CPM: variants seen among roughly 807,000 people sequenced by gnomAD.
CPM encodes the protein renal carboxypeptidase.
A neutral mutation model predicts 46.4 loss-of-function variants in CPM; 35 were observed. The ratio of observed to expected loss-of-function variants is 0.75; its 90% CI spans 0.58 to 1.00. The LOEUF (loss-of-function observed/expected upper bound fraction) is 1.00. Ranked by LOEUF, CPM falls within the 50% of genes least tolerant of loss-of-function variation. The pLI is 0.00. For missense variants in CPM, 422 were observed against 530.4 expected, an observed-to-expected ratio of 0.80 and a Z score of 2.01; for synonymous variants, 195 against 195.3, an observed-to-expected ratio of 1.00 and a Z score of 0.01.
intron 2 of CPM, among the ~76,000 whole-genome samples, chr12:68,928,352 C>T (rs1403352025): frequency 6.6e-6 from 1 of 152,148 alleles, no homozygotes; most frequent in Non-Finnish European, 1.5e-5. Context: ...CTTCCTTACA[C>T]CTTATACAAA....
intron 2 of CPM, among the ~76,000 whole-genome samples, chr12:68,932,239 A>G (rs1240883266): frequency 6.6e-6 from 1 of 152,256 alleles, no homozygotes; most frequent in Non-Finnish European, 1.5e-5. Flanking sequence ...CAGAAATCTT[A>G]CCAACAAAAC....
At chr12:68,913,481 G>A (rs1887682873) in intron 2 of CPM, among the ~76,000 whole-genome samples, 1 of 152,084 alleles carries the variant, frequency 6.6e-6, no homozygotes, top group Admixed American at 6.6e-5. Flanking sequence ...GCTTACACAA[G>A]CTCCTAGTAT....
chr12:68,896,491 C>A (rs1484820821), intron 2 of CPM, among the ~76,000 whole-genome samples: 1 of 152,158 alleles, frequency 6.6e-6, no homozygotes, highest in African/African-American at 2.4e-5. Flanking sequence ...GATAAATTAA[C>A]AAACAAACCT....
chr12:68,907,136 T>A lies in CPM; in HGVS notation c.161-21247A>T, dbSNP rs1017359948. Among the ~76,000 whole-genome samples, 9 of 152,296 alleles carry A rather than the reference T, an allele frequency of 5.9e-5. 1 individual carries two copies. The highest frequency in any genetic ancestry group is 4.1e-4 in the South Asian group (2 of 4,822). On this transcript the variant is annotated intron_variant, in intron 2 of 8. Transcript: ENST00000551568. ...TTGCACCAGAGCAGTGGCTCTGTTG[T>A]TCGATTTTAAAGAGGCTCCTTCTAG...
chr12:68,842,308 T>A, exon 6 of CPM: 1 of 496,082 alleles, frequency 2.0e-6, no homozygotes, highest in South Asian at 1.5e-5. Flanking sequence ...TCTTGACCCC[T>A]GTTGCAGGCA....
intron 5 of CPM, chr12:68,844,375 C>T: frequency 4.4e-6 from 1 of 225,254 alleles, no homozygotes; most frequent in East Asian, 6.4e-5. Flanking sequence ...CCAATGAGAG[C>T]AACTTGAGAG....
intron 2 of CPM, among the ~76,000 whole-genome samples, chr12:68,901,742 T>G (rs1328094408): frequency 3.3e-5 from 5 of 152,198 alleles, no homozygotes; most frequent in Admixed American, 3.3e-4. Flanking sequence ...AGGATTGGAC[T>G]TTGGATGGAG....
At chr12:68,876,505 CAAATTTTAAAAAAG>C (rs1340614255) in intron 3 of CPM, among the ~76,000 whole-genome samples, 2 of 152,064 alleles carry the variant, frequency 1.3e-5, no homozygotes, top group Admixed American at 6.6e-5. Flanking sequence ...CTGGAGAGTC[CAAATTTTAAAAAAG>C]AATGTGGTCA....
At chr12:68,864,450 C>CA (rs1024296852) in intron 7 of CPM, among the ~76,000 whole-genome samples, 8 of 151,866 alleles carry the variant, frequency 5.3e-5, no homozygotes, top group Non-Finnish European at 7.4e-5. Flanking sequence ...GTCTCAAAAA[C>CA]AAAAAAACAA....
intron 3 of CPM, among the ~76,000 whole-genome samples, chr12:68,884,366 G>T (rs1026402794): frequency 1.3e-5 from 2 of 152,158 alleles, no homozygotes; most frequent in African/African-American, 4.8e-5. Context: ...TCCTTTGCTA[G>T]GGGCAGGTGC....
rs138051426 is a variant in CPM, at chr12:68,868,141, A to G, written c.788-1093T>C. The stretch of plus-strand genomic sequence containing the variant: ...TTCGAAAGTTAGACAGTGAACATGA[A>G]GGACAGCTCTGCCACTGGACAGGAT... On this transcript the variant is annotated intron_variant, in intron 6 of 8. Coordinates refer to ENST00000551568, the MANE Select transcript of CPM (RefSeq NM_198320.5). Among the ~76,000 whole-genome samples, 543 of 152,298 alleles carry G rather than the reference A, an allele frequency of 3.6e-3. 3 individuals carry two copies. The highest frequency in any genetic ancestry group is 0.012 in the African/African-American group (516 of 41,572).
intron 3 of CPM, among the ~76,000 whole-genome samples, chr12:68,882,000 G>A (rs1312276634): frequency 6.7e-6 from 1 of 149,046 alleles, no homozygotes; most frequent in Non-Finnish European, 1.5e-5. Flanking sequence ...GGGATTACAG[G>A]CGTGAGCCAC....
chr12:68,931,681 G>A (rs894033172), intron 2 of CPM, among the ~76,000 whole-genome samples: 4 of 145,536 alleles, frequency 2.7e-5, no homozygotes, highest in Non-Finnish European at 4.5e-5. Context: ...GGAAGCCGGA[G>A]GTTGCAGTGA....
At position 68,867,064 on chromosome 12, in the gene CPM, TTTAA is replaced by T. The variant is rs1219924878; in HGVS notation, c.788-20_788-17del. ...TGCATTCCACCTAAACACAAGCATA[TTTAA>T]TTTTTGTTAGGGTCTAAAATTGGAG... On this transcript the variant is annotated splice_polypyrimidine_tract_variant and intron_variant, in intron 6 of 8. Coordinates refer to ENST00000551568, the MANE Select transcript of CPM (RefSeq NM_198320.5). The T allele has an allele frequency of 6.2e-7, 1 of 1,613,214 alleles. No homozygotes were observed. Among genetic ancestry groups the T allele is most frequent in the Admixed American group, 1.7e-5 (1 of 59,874 alleles).
chr12:68,910,282 T>C (rs1395339189), intron 2 of CPM, among the ~76,000 whole-genome samples: 1 of 152,224 alleles, frequency 6.6e-6, no homozygotes, highest in Non-Finnish European at 1.5e-5. Context: ...GAGGTATCTC[T>C]ATATGTACTA....
intron 2 of CPM, among the ~76,000 whole-genome samples, chr12:68,920,699 CT>C (rs1287491577): frequency 1.4e-4 from 17 of 125,224 alleles, no homozygotes; most frequent in Admixed American, 2.7e-4. Context: ...TTTTCTTTTT[CT>C]TTTTTTTTTT....
chr12:68,870,448 T>A, intron 4 of CPM, 49 bp from the exon 5 acceptor site: 1 of 1,522,876 alleles, frequency 6.6e-7, no homozygotes, highest in Non-Finnish European at 9.0e-7. Context: ...CATGAGGGAG[T>A]GGATTCTTAC....
At chr12:68,878,547 C>T (rs1489749802) in intron 3 of CPM, among the ~76,000 whole-genome samples, 2 of 152,168 alleles carry the variant, frequency 1.3e-5, no homozygotes, top group African/African-American at 4.8e-5. Flanking sequence ...AGCTTTGACA[C>T]CCTATGATTT....
chr12:68,946,046 G>T (rs958433993), intron 1 of CPM, among the ~76,000 whole-genome samples: 56 of 151,606 alleles, frequency 3.7e-4, no homozygotes, highest in Non-Finnish European at 3.1e-4. Flanking sequence ...TGTAGAGATG[G>T]GGTCTCCCTA....
Sources: gnomAD v4.1 joint callset for allele counts (sites outside exome capture counted in the v4.1 genomes callset) on GRCh38, gnomAD v4.1.1 for gene constraint, MANE v1.5 for transcripts, NCBI Gene and HGNC (gene_info 2026-07-23, HGNC 2026-07-21) for gene names.